Variants in SNAI2 observed in about 807,000 individuals in gnomAD.
SNAI2 encodes snail family transcriptional repressor 2, also known as zinc finger protein SNAI2.
In SNAI2, 2 loss-of-function variants were observed where a neutral mutation model predicts 22.4. That is an observed-to-expected ratio of 0.09 (90% CI 0.04 to 0.28). The LOEUF (loss-of-function observed/expected upper bound fraction) is 0.28, where lower values mean the gene tolerates loss of function less well. Among genes scored for constraint, SNAI2 ranks in the 10% least tolerant of loss-of-function variants. The pLI, the probability that SNAI2 is intolerant of heterozygous loss-of-function variation, is 1.00. For missense variants in SNAI2, 239 were observed against 320.8 expected (o/e 0.75, Z 1.95); for synonymous variants, 134 against 123.0 (o/e 1.09, Z -0.59).
At chr8:48,921,083 G>A in intron 1 of SNAI2, 104 bp downstream of exon 1, 1 of 898,594 alleles carries the variant, frequency 1.1e-6, no homozygotes, top group Non-Finnish European at 1.9e-6. Flanking sequence ...AAGGAAAACA[G>A]TTGAATCTTT....
chr8:48,918,890 G>T lies in SNAI2; in HGVS notation c.724C>A (p.Gln242Lys). 1 of 1,614,042 alleles carries T rather than the reference G, an allele frequency of 6.2e-7. No homozygotes were observed. Among genetic ancestry groups the T allele is most frequent in the Non-Finnish European group, 8.5e-7 (1 of 1,179,992 alleles). ...AAGGTTTTGGAGCAGTTTTTGCACT[G>T]GTATTTCTTTACATCAGAATGGGTC... The part of the protein sequence containing the change: ...LQTHSDVKKY[Q>K]CKNCSKTFSR... Residue 242 changes from glutamine to lysine, a missense_variant, in exon 3 of 3, where the codon CAG (glutamine) becomes AAG (lysine). By Grantham distance (53) the Gln-to-Lys change is moderately conservative (BLOSUM62 1). Coordinates refer to ENST00000020945, the MANE Select transcript of SNAI2 (RefSeq NM_003068.5).
chr8:48,919,644 C>A (rs1330148591), intron 2 of SNAI2, among the ~76,000 whole-genome samples: 1 of 152,228 alleles, frequency 6.6e-6, no homozygotes, highest in East Asian at 1.9e-4. Context: ...GATTTTCTAA[C>A]TGATCTTTGA....
chr8:48,919,744 T>C, intron 2 of SNAI2, 152 bp downstream of exon 2: 2 of 811,708 alleles, frequency 2.5e-6, no homozygotes, highest in Non-Finnish European at 4.2e-6. Flanking sequence ...GAGCACTTTG[T>C]GCCCTAACAA....
Position 48,921,188 on chromosome 8 carries a change from T to G in SNAI2, c.78A>C (p.Thr26=). The change falls in exon 1 of 3, where the codon ACA becomes ACC. Residue 26 remains threonine (T), a splice_region_variant and synonymous_variant. Coordinates refer to ENST00000020945, the MANE Select transcript of SNAI2 (RefSeq NM_003068.5). ...CTAGATATATTTTTCTCTTTTTACC[T>G]GTATGTGTGTCCAGTTCGCTGTAGT... ...KPNYSELDTH[T]VIISPYLYES... 6.2e-7 allele frequency: 1 copy of G among 1,609,020 alleles called. No individual in the cohort carries two copies. Among genetic ancestry groups the G allele is most frequent in the South Asian group, 1.1e-5 (1 of 90,984 alleles).
Position 48,917,845 on chromosome 8 carries a change from TC to T in SNAI2, c.*961del, listed in dbSNP as rs1806101097. On this transcript the variant is annotated 3_prime_UTR_variant, in exon 3 of 3. Coordinates refer to ENST00000020945, the MANE Select transcript of SNAI2 (RefSeq NM_003068.5). Reference sequence around the variant, plus strand: ...AAAGAAACATTGATTTCACAAGTCTTCAGGTTGTTTATAGACATAGCTATAG... The same window carrying T: ...AAAGAAACATTGATTTCACAAGTCTTAGGTTGTTTATAGACATAGCTATAG... 1 of 152,198 alleles carries T rather than the reference TC, an allele frequency of 6.6e-6. No homozygotes were observed. The highest frequency in any genetic ancestry group is 1.5e-5 in the Non-Finnish European group (1 of 68,018). The allele number at this position is 152,198 out of a possible 1,614,324, so 9.4% of individuals were successfully genotyped here.
At position 48,918,511 on chromosome 8, in the gene SNAI2, CTTTTCATT is replaced by C. The variant is rs1156548821; in HGVS notation, c.*288_*295del. ...TTTTAGGAAGAAAAGATGCAATGTG[CTTTTCATT>C]TTATCTTTGAAGAGAAAGGTTACTG... On this transcript the variant is annotated 3_prime_UTR_variant, in exon 3 of 3. Coordinates refer to ENST00000020945, the MANE Select transcript of SNAI2 (RefSeq NM_003068.5). 5.2e-6 allele frequency: 2 copies of C among 382,698 alleles called. No individual in the cohort carries two copies. Among genetic ancestry groups the C allele is most frequent in the East Asian group, 1.1e-4 (2 of 18,952 alleles). The allele number at this position is 382,698 out of a possible 1,614,324, so 23.7% of individuals were successfully genotyped here.
chr8:48,919,777 G>T, intron 2 of SNAI2, 119 bp downstream of exon 2: 1 of 1,079,480 alleles, frequency 9.3e-7, no homozygotes. Context: ...TCAGGAAGTA[G>T]CTATCAATGA....
At position 48,917,944 on chromosome 8, in the gene SNAI2, C is replaced by T. The variant is rs1806102338; in HGVS notation, c.*863G>A. 1 of 152,146 alleles carries T rather than the reference C, an allele frequency of 6.6e-6. No homozygotes were observed. The highest frequency in any genetic ancestry group is 1.5e-5 in the Non-Finnish European group (1 of 68,020). 9.4% of individuals were successfully genotyped at this position (152,146 alleles called of 1,614,324 possible). ...ACACAAATTTACATTGACTCATCAACTATACAATTTAAAAAGGCACTTGGA... is the reference window on the plus strand; with the variant it reads ...ACACAAATTTACATTGACTCATCAATTATACAATTTAAAAAGGCACTTGGA... On this transcript the variant is annotated 3_prime_UTR_variant, in exon 3 of 3. Transcript: ENST00000020945.
Position 48,918,398 on chromosome 8 carries a change from A to G in SNAI2, c.*409T>C, listed in dbSNP as rs908509567. The G allele has an allele frequency of 5.7e-6, 1 of 175,122 alleles. No individual in the cohort carries two copies. Among genetic ancestry groups the G allele is most frequent in the Admixed American group, 5.6e-5 (1 of 17,814 alleles). 10.8% of individuals were successfully genotyped at this position (175,122 alleles called of 1,614,324 possible). A position where few individuals can be genotyped will look rare whatever the true frequency, so the allele number is the denominator to read the frequency against. ...GTTCGCGTCTGGCAGATCTCTTCCT[A>G]TGGGAAATCCTATTACAGACTCTAT... On this transcript the variant is annotated 3_prime_UTR_variant, in exon 3 of 3. Coordinates refer to ENST00000020945, the MANE Select transcript of SNAI2 (RefSeq NM_003068.5).
rs779251454 is a variant in SNAI2, at chr8:48,919,956, T to G, written c.565A>C (p.Ile189Leu). The change falls in exon 2 of 3, where the codon ATC becomes CTC. Residue 189 changes from isoleucine to leucine, a missense_variant. Physicochemically the swap from Ile to Leu is conservative, Grantham distance 5. This residue lies in a region of SNAI2 where 31 missense variants were observed against 99.0 expected (regional missense o/e 0.31). Coordinates refer to ENST00000020945, the MANE Select transcript of SNAI2 (RefSeq NM_003068.5). ...RTHTLPCVCK[I>L]CGKAFSRPWL... The stretch of plus-strand genomic sequence containing the variant: ...GGTCTGGAAAACGCCTTGCCGCAGA[T>G]CTTGCAAACACAAGGTAATGTGTGG... The G allele has an allele frequency of 6.2e-7, 1 of 1,614,204 alleles. No individual in the cohort carries two copies. Among genetic ancestry groups the G allele is most frequent in the Non-Finnish European group, 8.5e-7 (1 of 1,180,044 alleles).
At chr8:48,919,306 A>G (rs997243412) in intron 2 of SNAI2, among the ~76,000 whole-genome samples, 12 of 152,214 alleles carry the variant, frequency 7.9e-5, no homozygotes, top group African/African-American at 2.9e-4. Flanking sequence ...ACCTCCCAAC[A>G]TTTCCCAATA....
rs1317890827 is a variant in SNAI2 at position 48,918,598 on chromosome 8, AC to A, written c.*208del. 1.8e-6 allele frequency: 1 copy of A among 561,794 alleles called. No individual in the cohort carries two copies. Among genetic ancestry groups the A allele is most frequent in the Non-Finnish European group, 3.2e-6 (1 of 317,032 alleles). 34.8% of individuals were successfully genotyped at this position (561,794 alleles called of 1,614,324 possible). A position where few individuals can be genotyped will look rare whatever the true frequency, so the allele number is the denominator to read the frequency against. On this transcript the variant is annotated 3_prime_UTR_variant, in exon 3 of 3. Coordinates refer to ENST00000020945, the MANE Select transcript of SNAI2 (RefSeq NM_003068.5). ...CAAATATATAGTAATTTTAAACTTC[AC>A]ATGGAAAGGATTATCTTTAAACACA... is the stretch of plus-strand genomic sequence containing the variant.
Position 48,918,908 on chromosome 8 carries a change from A to T in SNAI2, c.706T>A (p.Ser236Thr). 1 of 1,614,148 alleles carries T rather than the reference A, an allele frequency of 6.2e-7. No individual in the cohort carries two copies. The highest frequency in any genetic ancestry group is 8.5e-7 in the Non-Finnish European group (1 of 1,180,028). Reference sequence around the variant, plus strand: ...TTGCACTGGTATTTCTTTACATCAGAATGGGTCTGCAGATGAGCCCTCAGA... The same window carrying T: ...TTGCACTGGTATTTCTTTACATCAGTATGGGTCTGCAGATGAGCCCTCAGA... ...SNLRAHLQTH[S>T]DVKKYQCKNC... Residue 236 changes from serine (S) to threonine (T), a missense_variant, in exon 3 of 3, where the codon TCT becomes ACT. Physicochemically the swap from Ser to Thr is moderately conservative, Grantham distance 58. Around this residue, in one of 3 missense-constraint regions of SNAI2, gnomAD observed 31 missense variants for 99.0 expected, o/e 0.31. Coordinates refer to ENST00000020945, the MANE Select transcript of SNAI2 (RefSeq NM_003068.5).
Position 48,918,658 on chromosome 8 carries a change from G to GGT in SNAI2, c.*147_*148dup, listed in dbSNP as rs147930178. Reference sequence around the variant, plus strand: ...ATGCTCTTGCAGCTCTCTCTCTGTGGGTGTGTGTGTGTGTGTGTGCATATG... The same window carrying GGT: ...ATGCTCTTGCAGCTCTCTCTCTGTGGGTGTGTGTGTGTGTGTGTGTGCATATG... On this transcript the variant is annotated 3_prime_UTR_variant, in exon 3 of 3. Transcript: ENST00000020945. 1.9e-3 allele frequency: 1,215 copies of GGT among 634,404 alleles called. 1 individual carries two copies. The highest frequency in any genetic ancestry group is 2.4e-3 in the East Asian group (83 of 34,474). 39.3% of individuals were successfully genotyped at this position (634,404 alleles called of 1,614,324 possible).
In SNAI2 at chr8:48,919,709, G is replaced by GA. The variant is rs1262359896; in HGVS notation, c.625+186dup. ...GTCTACATGCTGTTTGCAGTCCCTG[G>GA]AGCAGAGGTTGTTAGCAAGAAATGG... On this transcript the variant is annotated intron_variant, in intron 2 of 2. Coordinates refer to ENST00000020945, the MANE Select transcript of SNAI2 (RefSeq NM_003068.5). 1.4e-4 allele frequency among the ~76,000 whole-genome samples: 22 copies of GA among 152,280 alleles called. No homozygotes were observed. The South Asian group carries it at 2.7e-3, about 19-fold the overall frequency.
intron 1 of SNAI2, 38 bp downstream of exon 1, chr8:48,921,149 C>A: frequency 7.2e-7 from 1 of 1,396,328 alleles, no homozygotes; most frequent in Non-Finnish European, 1.0e-6. Flanking sequence ...TTGCAAAGCT[C>A]TAGATACGTA....
chr8:48,920,987 G>A (rs114997499), intron 1 of SNAI2, among the ~76,000 whole-genome samples, 200 bp downstream of exon 1: 4 of 152,284 alleles, frequency 2.6e-5, no homozygotes, highest in African/African-American at 9.6e-5. Context: ...AATGTTCCTT[G>A]TTAGTCAAGA....
Position 48,920,301 on chromosome 8 carries a change from A to C in SNAI2, c.220T>G (p.Ser74Ala). Residue 74 changes from serine to alanine, a missense_variant, in exon 2 of 3, where the codon TCT (serine) becomes GCT (alanine). Ser to Ala is a moderately conservative substitution (Grantham distance 99). Around this residue, in one of 3 missense-constraint regions of SNAI2, gnomAD observed 183 missense variants for 190.4 expected, o/e 0.96. Transcript: ENST00000020945. ...GATGAGGAGTATCCGGAAAGAGGAGAGAGGCCATTGGGTAGCTGGGCGTGG... is the reference window on the plus strand; with the variant it reads ...GATGAGGAGTATCCGGAAAGAGGAGCGAGGCCATTGGGTAGCTGGGCGTGG... ...PFHAQLPNGL[S>A]PLSGYSSSLG... 1.2e-6 allele frequency: 2 copies of C among 1,612,472 alleles called. No homozygotes were observed. The highest frequency in any genetic ancestry group is 1.7e-6 in the Non-Finnish European group (2 of 1,178,796).
chr8:48,921,283 C>T lies in SNAI2; in HGVS notation c.-18G>A, dbSNP rs760985444. 1.9e-6 allele frequency: 3 copies of T among 1,606,174 alleles called. No homozygotes were observed. The highest frequency in any genetic ancestry group is 1.7e-5 in the Admixed American group (1 of 59,996). ...CGCGGCATCTTGCCAGCGGGTCTGG[C>T]GGGCGCCCGGCGCGGATAACGGTCC... On this transcript the variant is annotated 5_prime_UTR_variant, in exon 1 of 3. Transcript: ENST00000020945.
Sources: gnomAD v4.1 joint callset for allele counts (sites outside exome capture counted in the v4.1 genomes callset) on GRCh38, gnomAD v4.1.1 for gene constraint, gnomAD v4.1.1 regional missense constraint, MANE v1.5 for transcripts, NCBI Gene and HGNC (gene_info 2026-07-23, HGNC 2026-07-21) for gene names.